PANX2: variants seen among roughly 807,000 people sequenced by gnomAD.
The protein encoded by PANX2 is pannexin-2.
Under a neutral mutation model 38.7 loss-of-function variants are expected in PANX2, and 30 were observed. That is an observed-to-expected ratio of 0.78 (90% CI 0.58 to 1.05). PANX2 has a LOEUF of 1.05. Among genes scored for constraint, PANX2 ranks in the 50% least tolerant of loss-of-function variants. The pLI, the probability that PANX2 is intolerant of heterozygous loss-of-function variation, is 0.00. For missense variants in PANX2, 880 were observed against 979.3 expected, an observed-to-expected ratio of 0.90 and a Z score of 1.35; for synonymous variants, 539 against 472.1, an observed-to-expected ratio of 1.14 and a Z score of -1.84.
At chr22:50,176,747 G>A (rs918816790) in intron 1 of PANX2, among the ~76,000 whole-genome samples, 192 bp from the exon 2 acceptor site, 1 of 152,162 alleles carries the variant, frequency 6.6e-6, no homozygotes, top group Non-Finnish European at 1.5e-5. Context: ...GGGTAGTCAG[G>A]GCGGGACCCC....
At chr22:50,172,631 C>T (rs1470662715) in intron 1 of PANX2, among the ~76,000 whole-genome samples, 1 of 152,204 alleles carries the variant, frequency 6.6e-6, no homozygotes, top group East Asian at 1.9e-4. Context: ...TCTCAAACTC[C>T]TGGGCTCAAG....
chr22:50,173,143 A>G (rs370025119), intron 1 of PANX2, among the ~76,000 whole-genome samples: 74 of 147,210 alleles, frequency 5.0e-4, no homozygotes, highest in East Asian at 2.8e-3. Flanking sequence ...TGATCCGCCC[A>G]CCTTGGCCTC....
rs370262651 is a variant in PANX2 at position 50,177,490 on chromosome 22, G to T, written c.778G>T (p.Ala260Ser). 6.8e-6 allele frequency: 11 copies of T among 1,609,036 alleles called. No homozygotes were observed. ...GCAGAAGCAGAACGAGTTCACCTGC[G>T]CGCTGGGCGCGTCCCCGGACGGGGC... ...ATQKQNEFTC[A>S]LGASPDGAAG... is the part of the protein sequence containing the mutation. Residue 260 changes from alanine to serine, a missense_variant, in exon 2 of 3, where the codon GCG (alanine) becomes TCG (serine). By Grantham distance (99) the Ala-to-Ser change is moderately conservative. Around this residue, in one of 4 missense-constraint regions of PANX2, gnomAD observed 114 missense variants for 108.8 expected, o/e 1.05. Coordinates refer to ENST00000395842, the MANE Select transcript of PANX2 (RefSeq NM_052839.4).
chr22:50,178,280 G>A lies in PANX2; in HGVS notation c.1568G>A (p.Gly523Asp), dbSNP rs1377703403. Residue 523 changes from glycine (G) to aspartate (D), a missense_variant, in exon 2 of 3, where the codon GGC (glycine) becomes GAC (aspartate). This residue lies in a region of PANX2 where 445 missense variants were observed against 404.3 expected (regional missense o/e 1.10). Coordinates refer to ENST00000395842, the MANE Select transcript of PANX2 (RefSeq NM_052839.4). ...CTGGACGTGCACCCCTACATCCTCG[G>A]CACCAAGAAGGCCAAGGCCGAGGCG... ...FSLDVHPYIL[G>D]TKKAKAEAVP... 6.5e-7 allele frequency: 1 copy of A among 1,533,032 alleles called. No individual in the cohort carries two copies. The highest frequency in any genetic ancestry group is 8.7e-7 in the Non-Finnish European group (1 of 1,145,940). 95.0% of individuals were successfully genotyped at this position (1,533,032 alleles called of 1,614,324 possible).
At position 50,176,976 on chromosome 22, in the gene PANX2, G is replaced by C. The variant is rs760698271; in HGVS notation, c.264G>C (p.Thr88=). ...ACTGTTACACCCCGCACAACTTCAC[G>C]CGCGACCAGGCGCTGTACGCCCGCG... ...PIYCYTPHNF[T]RDQALYARGY... is the part of the protein sequence containing the mutation. Residue 88 remains threonine (T), a synonymous_variant, in exon 2 of 3, where the codon ACG becomes ACC. Coordinates refer to ENST00000395842, the MANE Select transcript of PANX2 (RefSeq NM_052839.4). 6.4e-7 allele frequency: 1 copy of C among 1,565,974 alleles called. No homozygotes were observed. Among genetic ancestry groups the C allele is most frequent in the African/African-American group, 1.4e-5 (1 of 73,676 alleles).
intron 1 of PANX2, among the ~76,000 whole-genome samples, chr22:50,173,038 A>G (rs1307636735): frequency 6.6e-6 from 1 of 151,884 alleles, no homozygotes; most frequent in Non-Finnish European, 1.5e-5. Context: ...CTGGGACTAC[A>G]GGCGCCCGCC....
rs771024283 is a variant in PANX2 at position 50,179,112 on chromosome 22, C to T, written c.1869C>T (p.His623=). Residue 623 remains histidine, a synonymous_variant, in exon 3 of 3, where the codon CAC becomes CAT. Coordinates refer to ENST00000395842, the MANE Select transcript of PANX2 (RefSeq NM_052839.4). ...CCATCCTGAGCCGAAACGCCACACA[C>T]CCGCTGCTGCACATCAACACGCTGT... ...PLTILSRNAT[H]PLLHINTLYE... is the part of the protein sequence containing the mutation. 4.3e-6 allele frequency: 7 copies of T among 1,611,928 alleles called. No individual in the cohort carries two copies. In the South Asian group the frequency reaches 5.5e-5, roughly 13 times the overall value.
chr22:50,173,506 C>T (rs1366048509), intron 1 of PANX2, among the ~76,000 whole-genome samples: 1 of 152,276 alleles, frequency 6.6e-6, no homozygotes, highest in Non-Finnish European at 1.5e-5. Flanking sequence ...GCTGCTGTCT[C>T]AGGATGCAGT....
At chr22:50,171,228 G>T (rs2063628640) in intron 1 of PANX2, among the ~76,000 whole-genome samples, 1 of 152,240 alleles carries the variant, frequency 6.6e-6, no homozygotes, top group Admixed American at 6.5e-5. Flanking sequence ...GGACCCAGGG[G>T]TCCCAAATGT....
At position 50,170,899 on chromosome 22, in the gene PANX2, G is replaced by A; in HGVS notation, c.169G>A (p.Gly57Ser). 6.6e-7 allele frequency: 1 copy of A among 1,523,854 alleles called. No homozygotes were observed. Among genetic ancestry groups the A allele is most frequent in the Non-Finnish European group, 8.8e-7 (1 of 1,134,546 alleles). 94.4% of individuals were successfully genotyped at this position (1,523,854 alleles called of 1,614,324 possible). A position where few individuals can be genotyped will look rare whatever the true frequency, so the allele number is the denominator to read the frequency against. Residue 57 changes from glycine to serine, a missense_variant, in exon 1 of 3, where the codon GGC becomes AGC. By Grantham distance (56) the Gly-to-Ser change is moderately conservative. This residue lies in a region of PANX2 where 243 missense variants were observed against 333.1 expected (regional missense o/e 0.73). Transcript: ENST00000395842. The stretch of plus-strand genomic sequence containing the variant: ...GCCGTTCGACCGGGTGGTCACCATC[G>A]GCACCGTGCTGGTGCCCATCCTGCT... ...ELPFDRVVTI[G>S]TVLVPILLVT...
chr22:50,177,034 C>G lies in PANX2; in HGVS notation c.322C>G (p.Pro108Ala). 2 of 1,606,892 alleles carry G rather than the reference C, an allele frequency of 1.2e-6. No homozygotes were observed. The highest frequency in any genetic ancestry group is 2.2e-5 in the South Asian group (2 of 90,424). ...CTGGACGGAGCTGCGGGACGCGCTG[C>G]CCGGCGTGGACGCCAGCCTGTGGCC... is the stretch of plus-strand genomic sequence containing the variant. ...YCWTELRDALPGVDASLWPSL... is the reference protein window; with the variant it reads ...YCWTELRDALAGVDASLWPSL... The change falls in exon 2 of 3, where the codon CCC (proline) becomes GCC (alanine). Residue 108 changes from proline to alanine, a missense_variant. By Grantham distance (27) the Pro-to-Ala change is conservative. Around this residue, in one of 4 missense-constraint regions of PANX2, gnomAD observed 243 missense variants for 333.1 expected, o/e 0.73. Coordinates refer to ENST00000395842, the MANE Select transcript of PANX2 (RefSeq NM_052839.4).
chr22:50,174,216 G>A (rs894190295), intron 1 of PANX2, among the ~76,000 whole-genome samples: 1 of 152,208 alleles, frequency 6.6e-6, no homozygotes, highest in African/African-American at 2.4e-5. Context: ...GAGGACAGGG[G>A]TGGAAAGGGC....
At chr22:50,173,117 C>T (rs139948926) in intron 1 of PANX2, among the ~76,000 whole-genome samples, 10,125 of 152,046 alleles carry the variant, frequency 0.067, 462 homozygotes, top group East Asian at 0.24. Context: ...AGGATGGTCT[C>T]GATCTCCTGA....
intron 1 of PANX2, among the ~76,000 whole-genome samples, chr22:50,176,422 GGTGGGCAGA>G (rs981392607): frequency 3.3e-5 from 5 of 152,146 alleles, no homozygotes; most frequent in African/African-American, 9.7e-5. Context: ...CACCCTCAAG[GGTGGGCAGA>G]GCCCACCCTG....
Position 50,179,156 on chromosome 22 carries a change from AGGACGGG to A in PANX2, c.1916_1922del (p.Asp639AlafsTer32). The A allele has an allele frequency of 1.2e-6, 2 of 1,612,072 alleles. No individual in the cohort carries two copies. The highest frequency in any genetic ancestry group is 1.7e-6 in the Non-Finnish European group (2 of 1,179,722). Reference sequence around the variant, plus strand: ...ACGCTGTACGAGGCCCGGGAGGAGGAGGACGGGGGCCCCCGCCTGCCGCAGGACGTGG... The same window carrying A: ...ACGCTGTACGAGGCCCGGGAGGAGGAGGCCCCCGCCTGCCGCAGGACGTGG... On this transcript the variant is annotated frameshift_variant, in exon 3 of 3. Transcript: ENST00000395842. LOFTEE classifies it high-confidence loss of function.
intron 1 of PANX2, among the ~76,000 whole-genome samples, chr22:50,171,355 C>T (rs1015119087): frequency 6.6e-6 from 1 of 152,148 alleles, no homozygotes; most frequent in Admixed American, 6.5e-5. Context: ...GAGCTGATTA[C>T]AGGGGCTGGT....
At chr22:50,171,625 T>C (rs1311492690) in intron 1 of PANX2, among the ~76,000 whole-genome samples, 4 of 152,208 alleles carry the variant, frequency 2.6e-5, no homozygotes, top group Middle Eastern at 3.4e-3. Flanking sequence ...GTGGGGGCAC[T>C]TGAAGCCACC....
At chr22:50,175,334 C>A in intron 1 of PANX2, 1 of 457,294 alleles carries the variant, frequency 2.2e-6, no homozygotes, top group Non-Finnish European at 3.8e-6. Flanking sequence ...TGGGGCCTCT[C>A]CCCACCCATG....
In PANX2 at chr22:50,178,198, G is replaced by GGCCC; in HGVS notation, c.1486_1487insGCCC (p.Ala496GlyfsTer12). 1.2e-6 allele frequency: 1 copy of GGCCC among 834,242 alleles called. No homozygotes were observed. Among genetic ancestry groups the GGCCC allele is most frequent in the Non-Finnish European group, 1.7e-6 (1 of 595,256 alleles). The allele number at this position is 834,242 out of a possible 1,614,324, so 51.7% of individuals were successfully genotyped here. On this transcript the variant is annotated frameshift_variant, in exon 2 of 3. Coordinates refer to ENST00000395842, the MANE Select transcript of PANX2 (RefSeq NM_052839.4). LOFTEE classifies it high-confidence loss of function. ...AGGGGGCGACCCGGGCCCCGGCCCC[G>GGCCC]CCCCTGCCCCCGCCCCGCCGCCCGC...
Sources: gnomAD v4.1 joint callset for allele counts (sites outside exome capture counted in the v4.1 genomes callset) on GRCh38, gnomAD v4.1.1 for gene constraint, gnomAD v4.1.1 regional missense constraint, MANE v1.5 for transcripts, NCBI Gene and HGNC (gene_info 2026-07-23, HGNC 2026-07-21) for gene names.